Variants in BCAS3 observed in about 807,000 individuals in gnomAD.
The protein encoded by BCAS3 is BCAS4/BCAS3 fusion.
Under a neutral mutation model 116.1 loss-of-function variants are expected in BCAS3, and 53 were observed. The ratio of observed to expected loss-of-function variants is 0.46; its 90% CI spans 0.37 to 0.57. The LOEUF (loss-of-function observed/expected upper bound fraction) is 0.57, where lower values mean the gene tolerates loss of function less well. Among genes scored for constraint, BCAS3 ranks in the 20% least tolerant of loss-of-function variants. The pLI is 0.00. For synonymous variants in BCAS3, 391 were observed against 408.2 expected (o/e 0.96, Z 0.51); for missense variants, 917 against 1,165.4 (o/e 0.79, Z 3.10).
chr17:60,877,803 G>C (rs77132711), intron 9 of BCAS3, among the ~76,000 whole-genome samples: 2 of 152,142 alleles, frequency 1.3e-5, no homozygotes, highest in Non-Finnish European at 2.9e-5. Context: ...TATTCTCTCA[G>C]AGTAATGTTT....
chr17:61,254,112 A>C (rs1360488975), intron 22 of BCAS3, among the ~76,000 whole-genome samples: 1 of 151,872 alleles, frequency 6.6e-6, no homozygotes, highest in Admixed American at 6.6e-5. Flanking sequence ...CGAGGAAAAA[A>C]CTCAAGAGAG....
At position 60,797,594 on chromosome 17, in the gene BCAS3, T is replaced by G. The variant is rs191915659; in HGVS notation, c.404-10410T>G. Among the ~76,000 whole-genome samples the G allele has an allele frequency of 1.0e-3, 153 of 152,244 alleles. 1 individual carries two copies. The highest frequency in any genetic ancestry group is 3.5e-3 in the African/African-American group (146 of 41,542). On this transcript the variant is annotated intron_variant, in intron 6 of 23. Transcript: ENST00000407086. ...ACATGTGCAGAATGTGCATGTTTGT[T>G]ACATAGGTATACACATGCTATGGTG...
chr17:61,319,643 T>C (rs1185788744), intron 22 of BCAS3, among the ~76,000 whole-genome samples: 1 of 151,992 alleles, frequency 6.6e-6, no homozygotes, highest in Non-Finnish European at 1.5e-5. Flanking sequence ...ATTTTTTTTT[T>C]CCTGAATAAA....
Position 60,751,185 on chromosome 17 carries a change from A to G in BCAS3, c.403+3906A>G, listed in dbSNP as rs542199505. Among the ~76,000 whole-genome samples the G allele has an allele frequency of 4.6e-5, 7 of 152,308 alleles. No individual in the cohort carries two copies. In the East Asian group the frequency reaches 1.2e-3, roughly 25 times the overall value. ...ATTTAATGGGCATTTACTCATGTCA[A>G]CACAGCTTATGCATCCCTGCTTCTT... On this transcript the variant is annotated intron_variant, in intron 6 of 23. Coordinates refer to ENST00000407086, the MANE Select transcript of BCAS3 (RefSeq NM_017679.5).
At chr17:60,716,252 TG>T (rs1334819545) in intron 5 of BCAS3, among the ~76,000 whole-genome samples, 1 of 152,168 alleles carries the variant, frequency 6.6e-6, no homozygotes, top group Non-Finnish European at 1.5e-5. Flanking sequence ...TTTGCTGTCA[TG>T]GAGCTAGTAG....
chr17:61,293,952 G>A (rs531384534), intron 22 of BCAS3, among the ~76,000 whole-genome samples: 48 of 152,270 alleles, frequency 3.2e-4, no homozygotes, highest in Non-Finnish European at 5.3e-4. Flanking sequence ...TGGTAGAGGA[G>A]AGGTTTCACC....
At chr17:61,057,357 C>T (rs1343100751) in intron 19 of BCAS3, among the ~76,000 whole-genome samples, 1 of 152,118 alleles carries the variant, frequency 6.6e-6, no homozygotes, top group Non-Finnish European at 1.5e-5. Context: ...CCCAGATAAC[C>T]TTACAGATTT....
intron 14 of BCAS3, among the ~76,000 whole-genome samples, chr17:60,952,360 C>T (rs2060890651): frequency 6.6e-6 from 1 of 151,562 alleles, no homozygotes; most frequent in Non-Finnish European, 1.5e-5. Flanking sequence ...TGCTCTGTTG[C>T]CCAGGCTGGA....
intron 14 of BCAS3, among the ~76,000 whole-genome samples, chr17:60,965,515 C>A (rs2061612852): frequency 6.6e-6 from 1 of 152,136 alleles, no homozygotes; most frequent in Non-Finnish European, 1.5e-5. Flanking sequence ...GCCACCACGC[C>A]CGGCCTATAT....
intron 22 of BCAS3, among the ~76,000 whole-genome samples, chr17:61,167,823 T>C (rs2078605061): frequency 6.6e-6 from 1 of 151,962 alleles, no homozygotes; most frequent in South Asian, 2.1e-4. Context: ...AGGAAAGGGC[T>C]GTGACTTGCA....
At position 61,138,714 on chromosome 17, in the gene BCAS3, T is replaced by C. The variant is rs557038377; in HGVS notation, c.2425+54150T>C. Among the ~76,000 whole-genome samples the C allele has an allele frequency of 3.9e-5, 6 of 152,264 alleles. No homozygotes were observed. In the South Asian group the frequency reaches 1.0e-3, roughly 26 times the overall value. The stretch of plus-strand genomic sequence containing the variant: ...AGAGACTTACTTTATTGAAGTCTTA[T>C]AATTTTTTACTAGAACATTTGTTTT... On this transcript the variant is annotated intron_variant, in intron 22 of 23. Coordinates refer to ENST00000407086, the MANE Select transcript of BCAS3 (RefSeq NM_017679.5).
chr17:61,190,929 G>A (rs1430383358), intron 22 of BCAS3, among the ~76,000 whole-genome samples: 1 of 152,074 alleles, frequency 6.6e-6, no homozygotes, highest in African/African-American at 2.4e-5. Flanking sequence ...TAAGTAGCTG[G>A]GTGTGATGGC....
chr17:61,380,519 C>T lies in BCAS3; in HGVS notation c.2594-11458C>T, dbSNP rs575968168. 35 of 1,597,958 alleles carry T rather than the reference C, an allele frequency of 2.2e-5. No homozygotes were observed. In the African/African-American group the frequency reaches 2.3e-4, roughly 10 times the overall value. ...TTTTCAATACAGACACAGCCCTTGA[C>T]GTAGCAGTAAAAACCTTCCCCCCTG... On this transcript the variant is annotated intron_variant, in intron 23 of 23. Coordinates refer to ENST00000407086, the MANE Select transcript of BCAS3 (RefSeq NM_017679.5). This position sits in a 1 kb window ranked among gnomAD's most constrained non-coding sequence, Gnocchi z 4.2.
chr17:61,005,506 T>C (rs1443486403), intron 15 of BCAS3, among the ~76,000 whole-genome samples: 1 of 152,114 alleles, frequency 6.6e-6, no homozygotes, highest in African/African-American at 2.4e-5. Flanking sequence ...TGTACTCCCA[T>C]CTTTGTATGG....
intron 21 of BCAS3, among the ~76,000 whole-genome samples, 167 bp downstream of exon 21, chr17:61,078,696 G>A (rs972889148): frequency 1.3e-5 from 2 of 152,126 alleles, no homozygotes; most frequent in African/African-American, 2.4e-5. Context: ...TGGTATATAG[G>A]GTCTCGTGGG....
Position 60,688,741 on chromosome 17 carries a change from G to A in BCAS3, c.139-945G>A, listed in dbSNP as rs147885356. Among the ~76,000 whole-genome samples, 831 of 151,752 alleles carry A rather than the reference G, an allele frequency of 5.5e-3. 5 individuals are homozygous for A. The highest frequency in any genetic ancestry group is 0.019 in the African/African-American group (774 of 41,392). Reference sequence around the variant, plus strand: ...TGAGGCAGGAGAATCACTTGAACCCGGGAGGTGGAGGGTACAGTGAGCCAA... The same window carrying A: ...TGAGGCAGGAGAATCACTTGAACCCAGGAGGTGGAGGGTACAGTGAGCCAA... On this transcript the variant is annotated intron_variant, in intron 3 of 23. Transcript: ENST00000407086.
At chr17:60,941,200 C>G (rs768020839) in intron 13 of BCAS3, among the ~76,000 whole-genome samples, 1 of 152,180 alleles carries the variant, frequency 6.6e-6, no homozygotes, top group East Asian at 1.9e-4. Flanking sequence ...TCTAGGCTTC[C>G]GCTTCCAGGC....
Position 61,004,805 on chromosome 17 carries a change from T to C in BCAS3, c.1487-10946T>C, listed in dbSNP as rs1358282045. Among the ~76,000 whole-genome samples the C allele has an allele frequency of 6.6e-6, 1 of 152,144 alleles. No individual in the cohort carries two copies. The highest frequency in any genetic ancestry group is 2.4e-5 in the African/African-American group (1 of 41,438). On this transcript the variant is annotated intron_variant, in intron 15 of 23. Coordinates refer to ENST00000407086, the MANE Select transcript of BCAS3 (RefSeq NM_017679.5). The surrounding 1 kb of genome is among the most constrained non-coding windows in gnomAD (Gnocchi z 4.8). ...CAAGAGGGAAATTACTATTTCAGAA[T>C]GGACCAAGGTGGAATTAACATGGGC...
In BCAS3 at chr17:61,324,454, A is replaced by T. The variant is rs756203925; in HGVS notation, c.2426-43873A>T. 2.5e-4 allele frequency among the ~76,000 whole-genome samples: 38 copies of T among 152,192 alleles called. No homozygotes were observed. Among genetic ancestry groups the T allele is most frequent in the Non-Finnish European group, 4.4e-4 (30 of 68,026 alleles). On this transcript the variant is annotated intron_variant, in intron 22 of 23. Transcript: ENST00000407086. This position sits in a 1 kb window ranked among gnomAD's most constrained non-coding sequence, Gnocchi z 4.6. Reference sequence around the variant, plus strand: ...TGGTAGTATTAATATATGTACATGTAATATTTGTGTGCGTTTAATCCCAGT... The same window carrying T: ...TGGTAGTATTAATATATGTACATGTTATATTTGTGTGCGTTTAATCCCAGT...
Sources: allele counts gnomAD v4.1 joint callset (sites outside exome capture counted in the v4.1 genomes callset), GRCh38; gene constraint gnomAD v4.1.1; non-coding constraint Gnocchi (gnomAD v3.1); transcripts MANE v1.5; gene names NCBI Gene and HGNC (gene_info 2026-07-23, HGNC 2026-07-21).